PHF21A: variants seen among roughly 807,000 people sequenced by gnomAD.
PHF21A encodes PHD finger protein 21A.
Under a neutral mutation model 82.5 loss-of-function variants are expected in PHF21A, and 11 were observed. The ratio of observed to expected loss-of-function variants is 0.13; its 90% CI spans 0.08 to 0.22. The LOEUF (loss-of-function observed/expected upper bound fraction) is 0.22, where lower values mean the gene tolerates loss of function less well. Among genes scored for constraint, PHF21A ranks in the 10% least tolerant of loss-of-function variants. PHF21A has a pLI of 1.00. For missense variants in PHF21A, 579 were observed against 837.8 expected (o/e 0.69, Z 3.81); for synonymous variants, 297 against 302.8 (o/e 0.98, Z 0.20).
At chr11:46,114,814 C>CT (rs2097268105) in intron 1 of PHF21A, among the ~76,000 whole-genome samples, 1 of 152,162 alleles carries the variant, frequency 6.6e-6, no homozygotes, top group Non-Finnish European at 1.5e-5. Context: ...AAATCAATTC[C>CT]TTTCTGCTGC....
rs1409735036 is a variant in PHF21A at position 45,935,507 on chromosome 11, C to A, written c.1788+129G>T. 6 of 693,602 alleles carry A rather than the reference C, an allele frequency of 8.7e-6. No homozygotes were observed. The East Asian group carries it at 1.6e-4, about 18-fold the overall frequency. 43.0% of individuals were successfully genotyped at this position (693,602 alleles called of 1,614,324 possible). A position where few individuals can be genotyped will look rare whatever the true frequency, so the allele number is the denominator to read the frequency against. On this transcript the variant is annotated intron_variant, in intron 18 of 18. Transcript: ENST00000676320. ...AACTGGATGGCAAACTGCATTTGCC[C>A]AAGTTAATCACGTTAATAAACAGAA...
chr11:46,071,112 C>A (rs1418749217), intron 6 of PHF21A, among the ~76,000 whole-genome samples: 1 of 152,088 alleles, frequency 6.6e-6, no homozygotes, highest in Non-Finnish European at 1.5e-5. Context: ...ACATTCACAC[C>A]CTTTGTCATA....
chr11:46,116,309 T>C (rs757588650), intron 1 of PHF21A, among the ~76,000 whole-genome samples: 4 of 152,206 alleles, frequency 2.6e-5, no homozygotes, highest in South Asian at 2.1e-4. Flanking sequence ...CATACAGATA[T>C]ACATCTTTTT....
In PHF21A at chr11:45,945,733, T is replaced by G. The variant is rs2091189376; in HGVS notation, c.1452+107A>C. ...GCATTCTATAGTGTTTAATTGCTGT[T>G]CCAGGGTTAGTCAAGAAGGTGCAAG... On this transcript the variant is annotated intron_variant, in intron 15 of 18. Coordinates refer to ENST00000676320, the MANE Select transcript of PHF21A (RefSeq NM_001352027.3). The G allele has an allele frequency of 3.2e-6, 3 of 936,596 alleles. No homozygotes were observed. In the Admixed American group the frequency reaches 9.0e-5, roughly 28 times the overall value. 58.0% of individuals were successfully genotyped at this position (936,596 alleles called of 1,614,324 possible).
At chr11:46,040,890 G>GACACACACAC (rs35673374) in intron 6 of PHF21A, among the ~76,000 whole-genome samples, 60 of 137,318 alleles carry the variant, frequency 4.4e-4, no homozygotes, top group Admixed American at 1.1e-3. Flanking sequence ...CTGACAGGAA[G>GACACACACAC]ACACACACAC....
intron 1 of PHF21A, among the ~76,000 whole-genome samples, chr11:46,104,619 T>C (rs1269730516): frequency 6.6e-6 from 1 of 152,206 alleles, no homozygotes; most frequent in Non-Finnish European, 1.5e-5. Context: ...CCAGCTAAAT[T>C]GTTCCAAATT....
chr11:46,069,245 C>A (rs1019234926), intron 6 of PHF21A, among the ~76,000 whole-genome samples: 36 of 152,120 alleles, frequency 2.4e-4, no homozygotes, highest in African/African-American at 8.7e-4. Flanking sequence ...TTGATGAAAA[C>A]GAGGAGCTGA....
chr11:46,055,779 G>T (rs1482192324), intron 6 of PHF21A, among the ~76,000 whole-genome samples: 2 of 152,080 alleles, frequency 1.3e-5, no homozygotes, highest in Non-Finnish European at 2.9e-5. Flanking sequence ...CATAGCAGGG[G>T]ATTCATTGAA....
At chr11:45,961,268 T>C (rs142241310) in intron 10 of PHF21A, among the ~76,000 whole-genome samples, 1 of 152,304 alleles carries the variant, frequency 6.6e-6, no homozygotes, top group East Asian at 1.9e-4. Flanking sequence ...GTTAATCAAG[T>C]ATACTTTATA....
At chr11:45,960,457 T>C (rs2093002857) in intron 10 of PHF21A, among the ~76,000 whole-genome samples, 1 of 152,236 alleles carries the variant, frequency 6.6e-6, no homozygotes, top group Non-Finnish European at 1.5e-5. Context: ...ACATATTGTA[T>C]GATTCTATGT....
chr11:46,076,221 T>C (rs2096723385), intron 6 of PHF21A, among the ~76,000 whole-genome samples: 1 of 152,230 alleles, frequency 6.6e-6, no homozygotes, highest in Non-Finnish European at 1.5e-5. Flanking sequence ...TCCTGCCCTA[T>C]ATAGAATAAG....
Position 45,934,126 on chromosome 11 carries a change from C to T in PHF21A, c.1888G>A (p.Asp630Asn), listed in dbSNP as rs759120687. Residue 630 changes from aspartate to asparagine, a missense_variant, in exon 19 of 19, where the codon GAC becomes AAC. This residue lies in a region of PHF21A where 157 missense variants were observed against 149.4 expected (regional missense o/e 1.05). Coordinates refer to ENST00000676320, the MANE Select transcript of PHF21A (RefSeq NM_001352027.3). ...KQLIRLIHGI[D>N]LSKPVDSEAT... is the part of the protein sequence containing the mutation. ...TCAGAGTCTACAGGTTTGGAGAGGT[C>T]GATGCCGTGGATGAGGCGAATCAGC... The T allele has an allele frequency of 2.7e-5, 43 of 1,613,998 alleles. No homozygotes were observed. The highest frequency in any genetic ancestry group is 8.3e-5 in the Admixed American group (5 of 59,996).
chr11:46,055,316 G>C (rs1250193095), intron 6 of PHF21A, among the ~76,000 whole-genome samples: 2 of 152,010 alleles, frequency 1.3e-5, no homozygotes, highest in Admixed American at 1.3e-4. Flanking sequence ...AAACTCATTG[G>C]TTTAATAATA....
chr11:46,041,938 T>C (rs2096150517), intron 6 of PHF21A, among the ~76,000 whole-genome samples: 1 of 152,156 alleles, frequency 6.6e-6, no homozygotes, highest in African/African-American at 2.4e-5. Flanking sequence ...CTCAAAATTT[T>C]ACACTATGAG....
chr11:46,090,110 G>C (rs1186658853), intron 3 of PHF21A, among the ~76,000 whole-genome samples: 1 of 151,344 alleles, frequency 6.6e-6, no homozygotes, highest in Non-Finnish European at 1.5e-5. Context: ...CCAACAAAAG[G>C]AAAACTGAGT....
At chr11:45,973,724 G>A (rs889726083) in intron 7 of PHF21A, among the ~76,000 whole-genome samples, 7 of 152,170 alleles carry the variant, frequency 4.6e-5, no homozygotes, top group Non-Finnish European at 8.8e-5. Flanking sequence ...CAGTGTATTA[G>A]CCCTTGTTTT....
Position 45,999,546 on chromosome 11 carries a change from A to C in PHF21A, c.154-19580T>G, listed in dbSNP as rs575386158. Among the ~76,000 whole-genome samples, 4 of 152,344 alleles carry C rather than the reference A, an allele frequency of 2.6e-5. No individual in the cohort carries two copies. In the East Asian group the frequency reaches 7.7e-4, roughly 29 times the overall value. On this transcript the variant is annotated intron_variant, in intron 6 of 18. Coordinates refer to ENST00000676320, the MANE Select transcript of PHF21A (RefSeq NM_001352027.3). The stretch of plus-strand genomic sequence containing the variant: ...TTGTTTCTAACAAATGTACTTCAAA[A>C]TGCAAGCTTATTTTGAGAAGGGAAA...
intron 6 of PHF21A, among the ~76,000 whole-genome samples, chr11:46,000,350 G>A (rs2095075244): frequency 6.6e-6 from 1 of 152,176 alleles, no homozygotes; most frequent in East Asian, 1.9e-4. Context: ...TCTACTGAGA[G>A]TTGCAGGATC....
At chr11:46,092,382 T>C (rs779469699) in intron 1 of PHF21A, among the ~76,000 whole-genome samples, 159 bp from the exon 2 acceptor site, 5 of 151,858 alleles carry the variant, frequency 3.3e-5, no homozygotes, top group Non-Finnish European at 7.4e-5. Context: ...AAAGAAGCAA[T>C]AGGTAATTTT....
Sources: gnomAD v4.1 joint callset for allele counts (sites outside exome capture counted in the v4.1 genomes callset) on GRCh38, gnomAD v4.1.1 for gene constraint, gnomAD v4.1.1 regional missense constraint, MANE v1.5 for transcripts, NCBI Gene and HGNC (gene_info 2026-07-23, HGNC 2026-07-21) for gene names.